PRICKLE3: variants seen among roughly 807,000 people sequenced by gnomAD.
PRICKLE3 encodes the protein prickle planar cell polarity protein 3, also known as LIM domain only protein 6.
Under a neutral mutation model 33.8 loss-of-function variants are expected in PRICKLE3, and 17 were observed. The ratio of observed to expected loss-of-function variants is 0.50; its 90% confidence interval spans 0.34 to 0.75. The LOEUF (loss-of-function observed/expected upper bound fraction) is 0.75, where lower values mean the gene tolerates loss of function less well. PRICKLE3 is among the 30% of genes least tolerant of loss of function. PRICKLE3 has a pLI of 0.01. For synonymous variants in PRICKLE3, 211 were observed against 219.6 expected, an observed-to-expected ratio of 0.96 and a Z score of 0.34; for missense variants, 573 against 576.7, an observed-to-expected ratio of 0.99 and a Z score of 0.07.
At chrX:49,183,587 TCA>T in intron 3 of PRICKLE3, 145 bp downstream of exon 3, 2 of 1,122,426 alleles carry the variant, frequency 1.8e-6, no homozygotes, top group Non-Finnish European at 2.4e-6. Context: ...CACTCTTCCA[TCA>T]CAGAGGGGCC....
At position 49,174,834 on chromosome X, in the gene PRICKLE3, T is replaced by C. The variant is rs782805564; in HGVS notation, c.*839A>G. The C allele has an allele frequency of 4.3e-4, 241 of 564,132 alleles. No individual in the cohort carries two copies. The highest frequency in any genetic ancestry group is 5.2e-4 in the South Asian group (21 of 40,543). 46.5% of individuals were successfully genotyped at this position (564,132 alleles called of 1,213,427 possible). A position where few individuals can be genotyped will look rare whatever the true frequency, so the allele number is the denominator to read the frequency against. ...TAAAAGTGCCTTTATTGGGAGACTTTTGTCTTCCAGCCTGCCAATCAACCC... is the reference window on the plus strand; with the variant it reads ...TAAAAGTGCCTTTATTGGGAGACTTCTGTCTTCCAGCCTGCCAATCAACCC... On this transcript the variant is annotated 3_prime_UTR_variant, in exon 9 of 9. Transcript: ENST00000599218.
chrX:49,181,405 T>TAC (rs1478629444), intron 3 of PRICKLE3, among the ~76,000 whole-genome samples: 4 of 94,585 alleles, frequency 4.2e-5, no homozygotes, highest in African/African-American at 1.6e-4. Flanking sequence ...TATATATATA[T>TAC]ATACACGTAT....
In PRICKLE3 at chrX:49,177,997, G is replaced by T; in HGVS notation, c.951C>A (p.His317Gln). 7.0e-6 allele frequency: 8 copies of T among 1,143,171 alleles called. No homozygotes were observed. Among genetic ancestry groups the T allele is most frequent in the Non-Finnish European group, 9.3e-6 (8 of 861,914 alleles). 94.2% of individuals were successfully genotyped at this position (1,143,171 alleles called of 1,213,427 possible). A position where few individuals can be genotyped will look rare whatever the true frequency, so the allele number is the denominator to read the frequency against. ...AGTCCCACAGCATTCACCCACCGATGTGCTCCCCACAGCCATCACAGTACT... is the reference window on the plus strand; with the variant it reads ...AGTCCCACAGCATTCACCCACCGATTTGCTCCCCACAGCCATCACAGTACT... ...HAEYCDGCGE[H>Q]IGLDQGQMAY... The change falls in exon 7 of 9, where the codon CAC becomes CAA. Residue 317 changes from histidine (H) to glutamine (Q), a missense_variant. Coordinates refer to ENST00000599218, the MANE Select transcript of PRICKLE3 (RefSeq NM_006150.5).
At chrX:49,181,190 A>G (rs1447131339) in intron 3 of PRICKLE3, among the ~76,000 whole-genome samples, 2 of 108,554 alleles carry the variant, frequency 1.8e-5, no homozygotes, top group African/African-American at 6.7e-5. Flanking sequence ...CAACATGGCA[A>G]AACCCCATCT....
intron 3 of PRICKLE3, among the ~76,000 whole-genome samples, chrX:49,181,229 G>A (rs984219168): frequency 3.7e-5 from 4 of 106,805 alleles, no homozygotes; most frequent in Admixed American, 1.0e-4. Context: ...TCATCCAGGC[G>A]TGATGATGCG....
At chrX:49,184,419 C>A (rs993224280) in intron 2 of PRICKLE3, among the ~76,000 whole-genome samples, 6 of 111,720 alleles carry the variant, frequency 5.4e-5, no homozygotes, top group Admixed American at 4.7e-4. Flanking sequence ...GGGGGCGGGG[C>A]TGCGTAGTGG....
chrX:49,177,860 T>C, intron 7 of PRICKLE3, 133 bp downstream of exon 7: 1 of 717,751 alleles, frequency 1.4e-6, no homozygotes, highest in Non-Finnish European at 2.0e-6. Flanking sequence ...TACAGGTCTA[T>C]AGTGTTGGGG....
chrX:49,175,666 C>T lies in PRICKLE3; in HGVS notation c.*7G>A. ...GAGAATGGAGCCCCCTCCAGGACGG[C>T]CTGCCTTCAAGCCACGATGCAGTTC... On this transcript the variant is annotated 3_prime_UTR_variant, in exon 9 of 9. Coordinates refer to ENST00000599218, the MANE Select transcript of PRICKLE3 (RefSeq NM_006150.5). 1.7e-6 allele frequency: 2 copies of T among 1,203,208 alleles called. No individual in the cohort carries two copies. The highest frequency in any genetic ancestry group is 3.6e-5 in the South Asian group (2 of 55,982).
chrX:49,177,867 G>T, intron 7 of PRICKLE3, 126 bp downstream of exon 7: 1 of 772,835 alleles, frequency 1.3e-6, no homozygotes. Context: ...CTATAGTGTT[G>T]GGGCTGGACA....
At chrX:49,181,394 A>G (rs112150196) in intron 3 of PRICKLE3, among the ~76,000 whole-genome samples, 3 of 94,514 alleles carry the variant, frequency 3.2e-5, no homozygotes, top group Non-Finnish European at 6.1e-5. Context: ...GTGTGTATAT[A>G]TATATATATA....
Position 49,176,039 on chromosome X carries a change from C to G in PRICKLE3, c.1482G>C (p.Pro494=), listed in dbSNP as rs139442526. The G allele has an allele frequency of 8.8e-5, 106 of 1,205,642 alleles. No homozygotes were observed. The African/African-American group carries it at 1.7e-3, about 20-fold the overall frequency. The part of the protein sequence containing the change: ...GGPRRTLSAP[P]AQRRRPRSPP... The stretch of plus-strand genomic sequence containing the variant: ...GACTGCGTGGCCTGCGGCGCTGGGC[C>G]GGGGGTGCACTCAGGGTCCGGCGCG... Residue 494 remains proline, a synonymous_variant, in exon 9 of 9, where the codon CCG becomes CCC. Transcript: ENST00000599218.
rs2065416743 is a variant in PRICKLE3 at position 49,176,268 on chromosome X, G to A, written c.1256-3C>T. ...GGAGGGCTCCTCAGGGCCTGTAGCT[G>A]TTAAGGGGGAGACAGAGTGACTCCT... On this transcript the variant is annotated splice_region_variant and splice_polypyrimidine_tract_variant and intron_variant, in intron 8 of 8. Coordinates refer to ENST00000599218, the MANE Select transcript of PRICKLE3 (RefSeq NM_006150.5). 1 of 1,125,531 alleles carries A rather than the reference G, an allele frequency of 8.9e-7. No individual in the cohort carries two copies. The highest frequency in any genetic ancestry group is 1.2e-6 in the Non-Finnish European group (1 of 850,303). The allele number at this position is 1,125,531 out of a possible 1,213,427, so 92.8% of individuals were successfully genotyped here. A position where few individuals can be genotyped will look rare whatever the true frequency, so the allele number is the denominator to read the frequency against.
chrX:49,182,089 G>T (rs1382057026), intron 3 of PRICKLE3, among the ~76,000 whole-genome samples: 3 of 109,482 alleles, frequency 2.7e-5, no homozygotes, highest in Non-Finnish European at 5.7e-5. Flanking sequence ...TGGGATTACA[G>T]ACATTTGCCA....
chrX:49,178,104 C>G lies in PRICKLE3; in HGVS notation c.844G>C (p.Glu282Gln), dbSNP rs2065429795. ...TAGCGCTGCCCTCCTAGTGAAGCTT[C>G]ACACTCAAAGCAGCAGAAGTGATCC... ...HMDHFCCFEC[E>Q]ASLGGQRYVM... is the part of the protein sequence containing the mutation. The change falls in exon 7 of 9, where the codon GAA (glutamate) becomes CAA (glutamine). Residue 282 changes from glutamate to glutamine, a missense_variant. Coordinates refer to ENST00000599218, the MANE Select transcript of PRICKLE3 (RefSeq NM_006150.5). 8.4e-7 allele frequency: 1 copy of G among 1,184,632 alleles called. No homozygotes were observed.
intron 5 of PRICKLE3, 142 bp from the exon 6 acceptor site, chrX:49,178,617 C>T: frequency 1.7e-6 from 1 of 580,087 alleles, no homozygotes; most frequent in Non-Finnish European, 2.7e-6. Context: ...GTAACTTTGA[C>T]ACAGGCCCTG....
At chrX:49,184,028 C>T (rs1557101544) in intron 2 of PRICKLE3, 111 bp from the exon 3 acceptor site, 1 of 962,633 alleles carries the variant, frequency 1.0e-6, no homozygotes, top group Non-Finnish European at 1.4e-6. Context: ...CACCAAAGGT[C>T]TGTGAGCAGG....
intron 3 of PRICKLE3, among the ~76,000 whole-genome samples, chrX:49,180,902 T>G (rs183548658): frequency 1.8e-5 from 2 of 111,326 alleles, no homozygotes; most frequent in African/African-American, 6.5e-5. Context: ...ATGTGGCTAT[T>G]TAGATGTCTA....
At position 49,178,474 on chromosome X, in the gene PRICKLE3, C is replaced by A; in HGVS notation, c.566G>T (p.Cys189Phe). The A allele has an allele frequency of 8.3e-7, 1 of 1,207,336 alleles. No homozygotes were observed. Among genetic ancestry groups the A allele is most frequent in the South Asian group, 1.8e-5 (1 of 56,753 alleles). Reference sequence around the variant, plus strand: ...GTCCCCACCTCCAATCTGCTTTCCGCACTGCCATGAGACAAGCACCAAGAT... The same window carrying A: ...GTCCCCACCTCCAATCTGCTTTCCGAACTGCCATGAGACAAGCACCAAGAT... Reference protein sequence around the residue: ...VTITGAICEECGKQIGGGDIA... With the variant: ...VTITGAICEEFGKQIGGGDIA... Residue 189 changes from cysteine to phenylalanine, a missense_variant and splice_region_variant, in exon 6 of 9, where the codon TGC becomes TTC. Cys to Phe is a radical substitution (Grantham distance 205). Coordinates refer to ENST00000599218, the MANE Select transcript of PRICKLE3 (RefSeq NM_006150.5).
At position 49,174,817 on chromosome X, in the gene PRICKLE3, C is replaced by G. The variant is rs1287693377; in HGVS notation, c.*856G>C. ...CCACCCCCTCTTTGAGGTAAAAGTG[C>G]CTTTATTGGGAGACTTTTGTCTTCC... On this transcript the variant is annotated 3_prime_UTR_variant, in exon 9 of 9. Transcript: ENST00000599218. The G allele has an allele frequency of 1.6e-6, 1 of 627,267 alleles. No individual in the cohort carries two copies. Among genetic ancestry groups the G allele is most frequent in the Non-Finnish European group, 2.6e-6 (1 of 379,398 alleles). The allele number at this position is 627,267 out of a possible 1,213,427, so 51.7% of individuals were successfully genotyped here.
Sources: gnomAD v4.1 joint callset for allele counts (sites outside exome capture counted in the v4.1 genomes callset) on GRCh38, gnomAD v4.1.1 for gene constraint, MANE v1.5 for transcripts, NCBI Gene and HGNC (gene_info 2026-07-23, HGNC 2026-07-21) for gene names.